Variants in CACNA1D observed in about 807,000 individuals in gnomAD.
The protein encoded by CACNA1D is voltage-dependent L-type calcium channel subunit alpha-1D.
Under a neutral mutation model 257.1 loss-of-function variants are expected in CACNA1D, and 55 were observed. That is an observed-to-expected ratio of 0.21 (90% confidence interval 0.17 to 0.27). CACNA1D has a LOEUF of 0.27. Among genes scored for constraint, CACNA1D ranks in the 10% least tolerant of loss-of-function variants. The pLI is 1.00. For synonymous variants in CACNA1D, 980 were observed against 1,014.9 expected (o/e 0.97, Z 0.65); for missense variants, 1,876 against 2,784.0 (o/e 0.67, Z 7.34).
intron 3 of CACNA1D, among the ~76,000 whole-genome samples, chr3:53,635,810 CTCT>C (rs2093876430): frequency 6.6e-6 from 1 of 152,348 alleles, no homozygotes; most frequent in Admixed American, 6.5e-5. Context: ...CCATTCTCCT[CTCT>C]TCTTCTCCAG....
intron 11 of CACNA1D, among the ~76,000 whole-genome samples, chr3:53,720,553 A>T: frequency 6.6e-6 from 1 of 152,260 alleles, no homozygotes; most frequent in East Asian, 1.9e-4. Flanking sequence ...TGCATAAAGG[A>T]GAGTGTCAAT....
intron 42 of CACNA1D, 99 bp from the exon 43 acceptor site, chr3:53,802,048 C>T (rs950736060): frequency 5.7e-6 from 6 of 1,047,912 alleles, no homozygotes; most frequent in Non-Finnish European, 9.0e-6. Context: ...ATTTGCTAAC[C>T]CCTACTCTAG....
intron 3 of CACNA1D, among the ~76,000 whole-genome samples, chr3:53,526,760 A>T (rs770358919): frequency 3.3e-4 from 50 of 152,302 alleles, no homozygotes; most frequent in South Asian, 4.1e-4. Flanking sequence ...CCTCATCTGT[A>T]AAATAGTATC....
intron 36 of CACNA1D, 62 bp from the exon 37 acceptor site, chr3:53,776,798 T>G: frequency 6.2e-7 from 1 of 1,613,638 alleles, no homozygotes; most frequent in African/African-American, 1.3e-5. Flanking sequence ...TTTTGTGGAG[T>G]GGACTGAAAG....
intron 3 of CACNA1D, among the ~76,000 whole-genome samples, chr3:53,598,934 T>C (rs1278484778): frequency 1.3e-5 from 2 of 152,148 alleles, no homozygotes; most frequent in Non-Finnish European, 2.9e-5. Context: ...ACAGTTTTCT[T>C]GAGGTCATGA....
At chr3:53,604,660 G>A (rs1368015788) in intron 3 of CACNA1D, among the ~76,000 whole-genome samples, 2 of 152,204 alleles carry the variant, frequency 1.3e-5, no homozygotes, top group Non-Finnish European at 2.9e-5. Context: ...GGAGTTGGAT[G>A]AAATGGTGGA....
intron 37 of CACNA1D, among the ~76,000 whole-genome samples, chr3:53,778,335 C>G (rs1375554348): frequency 6.6e-6 from 1 of 152,100 alleles, no homozygotes; most frequent in African/African-American, 2.4e-5. Context: ...GTCCTTGAGG[C>G]ACAGTCATCC....
chr3:53,650,433 A>G (rs561200870), intron 3 of CACNA1D, among the ~76,000 whole-genome samples: 110 of 152,368 alleles, frequency 7.2e-4, no homozygotes, highest in African/African-American at 2.6e-3. Flanking sequence ...TGGCAACCTC[A>G]GGAGGAAAGC....
At chr3:53,547,664 C>T (rs146046964) in intron 3 of CACNA1D, among the ~76,000 whole-genome samples, 12 of 152,254 alleles carry the variant, frequency 7.9e-5, no homozygotes, top group Admixed American at 5.2e-4. Context: ...GAAGTTTCTC[C>T]GAGGAGGCAC....
In CACNA1D at chr3:53,723,164, C is replaced by T. The variant is rs1345032484; in HGVS notation, c.1667-270C>T. Among the ~76,000 whole-genome samples, 1 of 152,142 alleles carries T rather than the reference C, an allele frequency of 6.6e-6. No homozygotes were observed. The highest frequency in any genetic ancestry group is 1.9e-4 in the East Asian group (1 of 5,190). On this transcript the variant is annotated intron_variant, in intron 12 of 47. Coordinates refer to ENST00000350061, the MANE Select transcript of CACNA1D (RefSeq NM_001128840.3). The surrounding 1 kb of genome is among the most constrained non-coding windows in gnomAD (Gnocchi z 5.6). Reference sequence around the variant, plus strand: ...GATTATGTGATGAGCTGCCCCTTCCCATTTTGTCATCAGTGACACTGAGAC... The same window carrying T: ...GATTATGTGATGAGCTGCCCCTTCCTATTTTGTCATCAGTGACACTGAGAC...
At position 53,532,290 on chromosome 3, in the gene CACNA1D, A is replaced by G. The variant is rs539986306; in HGVS notation, c.483+30570A>G. Reference sequence around the variant, plus strand: ...TGGAAATGAATAAGGGAGAGAGAAAATGTGGAGTGCAGAGGATGCTGCCTG... The same window carrying G: ...TGGAAATGAATAAGGGAGAGAGAAAGTGTGGAGTGCAGAGGATGCTGCCTG... On this transcript the variant is annotated intron_variant, in intron 3 of 47. Coordinates refer to ENST00000350061, the MANE Select transcript of CACNA1D (RefSeq NM_001128840.3). Among the ~76,000 whole-genome samples the G allele has an allele frequency of 1.3e-4, 20 of 152,322 alleles. No individual in the cohort carries two copies. In the South Asian group the frequency reaches 4.1e-3, roughly 32 times the overall value.
intron 44 of CACNA1D, 39 bp from the exon 45 acceptor site, chr3:53,804,944 G>T (rs377268078): frequency 3.7e-5 from 59 of 1,599,730 alleles, no homozygotes; most frequent in Non-Finnish European, 4.7e-5. Context: ...GACAGAGCTT[G>T]TTACCTAGAA....
chr3:53,701,989 C>A (rs1449692898), intron 8 of CACNA1D, among the ~76,000 whole-genome samples: 1 of 152,020 alleles, frequency 6.6e-6, no homozygotes, highest in Non-Finnish European at 1.5e-5. Flanking sequence ...AACAGTAATG[C>A]TTCATCAGTG....
chr3:53,728,964 G>A (rs1212175480), intron 15 of CACNA1D, among the ~76,000 whole-genome samples: 2 of 152,190 alleles, frequency 1.3e-5, no homozygotes, highest in Non-Finnish European at 2.9e-5. Flanking sequence ...ATCTTCCTGT[G>A]GCTCATCACT....
chr3:53,800,020 C>T lies in CACNA1D; in HGVS notation c.4924-229C>T, dbSNP rs549512088. 51 of 610,836 alleles carry T rather than the reference C, an allele frequency of 8.3e-5. No individual in the cohort carries two copies. The highest frequency in any genetic ancestry group is 1.2e-4 in the Non-Finnish European group (42 of 339,620). The allele number at this position is 610,836 out of a possible 1,614,324, so 37.8% of individuals were successfully genotyped here. A position where few individuals can be genotyped will look rare whatever the true frequency, so the allele number is the denominator to read the frequency against. On this transcript the variant is annotated intron_variant, in intron 40 of 47. Coordinates refer to ENST00000350061, the MANE Select transcript of CACNA1D (RefSeq NM_001128840.3). The surrounding 1 kb of genome is among the most constrained non-coding windows in gnomAD (Gnocchi z 4.3). ...AGTGGGGGTTTTGCAAAGGAGGTTA[C>T]GGGGTTGCAGGCCTCAGGCATCCTA...
At chr3:53,624,098 T>G (rs956743817) in intron 3 of CACNA1D, among the ~76,000 whole-genome samples, 1 of 152,146 alleles carries the variant, frequency 6.6e-6, no homozygotes, top group Non-Finnish European at 1.5e-5. Flanking sequence ...TCCTGTTAAC[T>G]TTGAGAGCTT....
intron 8 of CACNA1D, among the ~76,000 whole-genome samples, chr3:53,675,845 G>A (rs1387923484): frequency 6.6e-6 from 1 of 152,174 alleles, no homozygotes; most frequent in East Asian, 1.9e-4. Context: ...AAGAAAACCC[G>A]AGACTTCTCT....
At chr3:53,695,203 C>A (rs557631276) in intron 8 of CACNA1D, among the ~76,000 whole-genome samples, 1 of 152,198 alleles carries the variant, frequency 6.6e-6, no homozygotes, top group South Asian at 2.1e-4. Context: ...AGGCTGGAGT[C>A]GCAGCAGCAG....
chr3:53,704,326 G>A (rs1050121689), intron 9 of CACNA1D, among the ~76,000 whole-genome samples: 2 of 152,150 alleles, frequency 1.3e-5, no homozygotes, highest in African/African-American at 2.4e-5. Context: ...TGCTGACTGG[G>A]AGTGGGCAGG....
Sources: allele counts gnomAD v4.1 joint callset (sites outside exome capture counted in the v4.1 genomes callset), GRCh38; gene constraint gnomAD v4.1.1; non-coding constraint Gnocchi (gnomAD v3.1); transcripts MANE v1.5; gene names NCBI Gene and HGNC (gene_info 2026-07-23, HGNC 2026-07-21).